The following BLTP2 variants were observed in gnomAD, a reference collection of about 807,000 sequenced individuals.
The protein encoded by BLTP2 is bridge-like lipid transfer protein family member 2.
chr17:28,640,302 A>G, the BLTP2 span: 1 of 500,692 alleles, frequency 2.0e-6, no homozygotes, highest in Middle Eastern at 5.8e-4. Context: ...CTGAGGCAGG[A>G]GAATCGCTTG....
the BLTP2 span, chr17:28,642,012 G>A: frequency 2.1e-5 from 34 of 1,613,998 alleles, 1 homozygote; most frequent in Middle Eastern, 1.3e-3. Context: ...GTGAGATGCC[G>A]ACTGCTAATG....
At chr17:28,618,815 T>C in the BLTP2 span, 2 of 1,614,068 alleles carry the variant, frequency 1.2e-6, no homozygotes, top group South Asian at 1.1e-5. Flanking sequence ...ACCTCTGCAG[T>C]TCTAATTCAG....
At chr17:28,616,528 A>G in the BLTP2 span, 1 of 1,614,176 alleles carries the variant, frequency 6.2e-7, no homozygotes, top group Non-Finnish European at 8.5e-7. This position sits in a 1 kb window ranked among gnomAD's most constrained non-coding sequence, Gnocchi z 4.8. Context: ...AAGCAAGTGT[A>G]CCAGCTGTCA....
chr17:28,614,885 G>A, the BLTP2 span: 30 of 653,926 alleles, frequency 4.6e-5, no homozygotes, highest in Middle Eastern at 4.4e-4. Flanking sequence ...GTGTGAGACA[G>A]AACTCAGCAT....
the BLTP2 span, chr17:28,634,769 G>C: frequency 6.2e-7 from 1 of 1,614,024 alleles, no homozygotes; most frequent in South Asian, 1.1e-5. Flanking sequence ...ATGTTTTTGC[G>C]TTCCAAAGAG....
At chr17:28,643,018 TTAA>T in the BLTP2 span, 10 of 1,524,080 alleles carry the variant, frequency 6.6e-6, no homozygotes, top group East Asian at 2.2e-4. Context: ...TGAACAATAA[TTAA>T]TGTTAAGGAA....
the BLTP2 span, chr17:28,641,961 G>A: frequency 6.2e-7 from 1 of 1,614,102 alleles, no homozygotes; most frequent in Non-Finnish European, 8.5e-7. Flanking sequence ...AGGCCCTCAT[G>A]CAGTTCAGCA....
At chr17:28,636,671 T>TA in the BLTP2 span, among the ~76,000 whole-genome samples, 3 of 152,086 alleles carry the variant, frequency 2.0e-5, no homozygotes, top group Admixed American at 2.0e-4. Flanking sequence ...CACAAAAAGT[T>TA]AAAAACATAC....
chr17:28,615,719 C>T, the BLTP2 span: 1 of 1,614,222 alleles, frequency 6.2e-7, no homozygotes, highest in Admixed American at 1.7e-5. Context: ...AAAGTCTAGC[C>T]ATGTCCATGT....
At chr17:28,622,178 G>A in the BLTP2 span, among the ~76,000 whole-genome samples, 3 of 152,204 alleles carry the variant, frequency 2.0e-5, no homozygotes, top group Non-Finnish European at 4.4e-5. Flanking sequence ...GATCCTGATA[G>A]CTCATCCATT....
the BLTP2 span, chr17:28,635,528 G>A: frequency 6.2e-7 from 1 of 1,614,178 alleles, no homozygotes; most frequent in Non-Finnish European, 8.5e-7. Context: ...TCTCGGCACT[G>A]TAGAGTGGCC....
chr17:28,630,653 T>C, the BLTP2 span, among the ~76,000 whole-genome samples: 243 of 152,028 alleles, frequency 1.6e-3, 2 homozygotes, highest in African/African-American at 5.2e-3. Context: ...GCTAATTCTT[T>C]TGTATTTTTA....
At chr17:28,621,620 G>C in the BLTP2 span, 2 of 697,402 alleles carry the variant, frequency 2.9e-6, no homozygotes, top group Admixed American at 4.1e-5. Context: ...CCACTGCATG[G>C]AATAGCTTGA....
At chr17:28,616,357 T>G in the BLTP2 span, 2 of 1,614,020 alleles carry the variant, frequency 1.2e-6, no homozygotes, top group African/African-American at 2.7e-5. The surrounding 1 kb of genome is among the most constrained non-coding windows in gnomAD (Gnocchi z 4.8). Flanking sequence ...CATTTTTCTA[T>G]CATCAGGGGC....
At chr17:28,644,877 C>T in the BLTP2 span, 1 of 874,556 alleles carries the variant, frequency 1.1e-6, no homozygotes. Flanking sequence ...CCTACCCACT[C>T]TGCCTCACGC....
chr17:28,631,893 C>T, the BLTP2 span: 1 of 1,614,182 alleles, frequency 6.2e-7, no homozygotes, highest in East Asian at 2.2e-5. Context: ...TGCCCCGTTG[C>T]TGGGCAAATG....
At chr17:28,625,334 CAAAAAAA>C in the BLTP2 span, among the ~76,000 whole-genome samples, 96 of 29,062 alleles carry the variant, frequency 3.3e-3, 1 homozygote, top group Non-Finnish European at 5.3e-3. Flanking sequence ...GACTCCGTCT[CAAAAAAA>C]AAAAAAAAAA....
chr17:28,641,922 G>A, the BLTP2 span: 72 of 1,613,864 alleles, frequency 4.5e-5, 1 homozygote, highest in South Asian at 7.0e-4. Flanking sequence ...GCTAGGCTTG[G>A]GCCCTGGCAC....
the BLTP2 span, chr17:28,640,111 T>G: frequency 3.7e-5 from 55 of 1,494,288 alleles, no homozygotes; most frequent in Non-Finnish European, 4.8e-5. Flanking sequence ...TAATTATTTT[T>G]TGGCCAGGCG....
Sources: gnomAD v4.1 joint callset for allele counts (sites outside exome capture counted in the v4.1 genomes callset) on GRCh38, gnomAD v4.1.1 for gene constraint, Gnocchi (gnomAD v3.1) non-coding constraint, MANE v1.5 for transcripts, NCBI Gene and HGNC (gene_info 2026-07-23, HGNC 2026-07-21) for gene names.